PARP9: variants seen among roughly 807,000 people sequenced by gnomAD.
PARP9 encodes the protein poly(ADP-ribose) polymerase family member 9.
PARP9 carries 48 observed loss-of-function variants against 68.8 expected under a neutral mutation model. The ratio of observed to expected loss-of-function variants is 0.70; its 90% CI spans 0.55 to 0.89. The LOEUF (loss-of-function observed/expected upper bound fraction) is 0.89, where lower values mean the gene tolerates loss of function less well. Among genes scored for constraint, PARP9 ranks in the 40% least tolerant of loss-of-function variants. The pLI, the probability that PARP9 is intolerant of heterozygous loss-of-function variation, is 0.00. For synonymous variants in PARP9, 309 were observed against 333.8 expected, an observed-to-expected ratio of 0.93 and a Z score of 0.81; for missense variants, 806 against 969.3, an observed-to-expected ratio of 0.83 and a Z score of 2.24.
chr3:122,554,227 C>T (rs1311039298), intron 4 of PARP9, among the ~76,000 whole-genome samples: 4 of 152,138 alleles, frequency 2.6e-5, no homozygotes, highest in Admixed American at 6.5e-5. Context: ...GCTTCCCCTC[C>T]TGCCAATCAT....
intron 4 of PARP9, among the ~76,000 whole-genome samples, chr3:122,554,369 C>T (rs1386847991): frequency 1.3e-5 from 2 of 152,088 alleles, no homozygotes; most frequent in Non-Finnish European, 2.9e-5. Flanking sequence ...TGATAGGTTG[C>T]TTCAGAAATG....
intron 10 of PARP9, chr3:122,534,022 A>G (rs1263241609): frequency 1.2e-5 from 12 of 985,338 alleles, no homozygotes; most frequent in Non-Finnish European, 1.3e-5. Context: ...AGATGAGTCA[A>G]TTGGTGCAGG....
chr3:122,546,991 TATATATATATATATATATATATAC>T (rs1445304257), intron 6 of PARP9, among the ~76,000 whole-genome samples: 1,440 of 110,616 alleles, frequency 0.013, 47 homozygotes, highest in African/African-American at 0.047. Flanking sequence ...TATATATATA[TATATATATATATATATATATATAC>T]ACACACACAC....
chr3:122,561,189 C>T (rs1237363411), intron 1 of PARP9, among the ~76,000 whole-genome samples: 2 of 152,312 alleles, frequency 1.3e-5, no homozygotes, highest in East Asian at 1.9e-4. Flanking sequence ...CCAGGCATGG[C>T]GGCTCACACC....
At chr3:122,556,895 CA>C (rs1178388084) in intron 3 of PARP9, among the ~76,000 whole-genome samples, 9 of 152,174 alleles carry the variant, frequency 5.9e-5, no homozygotes, top group African/African-American at 2.2e-4. Context: ...TGGCTCACTG[CA>C]ACTTCTGCCT....
chr3:122,556,911 T>C (rs185727854), intron 3 of PARP9, among the ~76,000 whole-genome samples: 1 of 152,264 alleles, frequency 6.6e-6, no homozygotes, highest in Admixed American at 6.5e-5. Flanking sequence ...CTGCCTCCTA[T>C]GCTCAAGCCA....
intron 10 of PARP9, chr3:122,534,779 G>C (rs2077528096): frequency 2.7e-6 from 1 of 368,562 alleles, no homozygotes; most frequent in Admixed American, 6.4e-5. Context: ...GGGAGGCTGA[G>C]GCAGGAGAAC....
chr3:122,560,823 A>T (rs1453162097), intron 1 of PARP9, among the ~76,000 whole-genome samples: 1 of 152,152 alleles, frequency 6.6e-6, no homozygotes, highest in Non-Finnish European at 1.5e-5. Context: ...GACAAGATGC[A>T]TTTTTTGCCT....
intron 4 of PARP9, 27 bp downstream of exon 4, chr3:122,555,259 T>C: frequency 6.4e-7 from 1 of 1,572,238 alleles, no homozygotes. Context: ...CCTGTGCCAG[T>C]GCAAGAGAAT....
chr3:122,551,082 C>A (rs911925119), intron 5 of PARP9, among the ~76,000 whole-genome samples: 3 of 152,186 alleles, frequency 2.0e-5, no homozygotes, highest in African/African-American at 4.8e-5. Context: ...CCCATCCCCC[C>A]AGGTCAGAGA....
chr3:122,548,542 G>A (rs1390865514), intron 6 of PARP9, among the ~76,000 whole-genome samples: 1 of 152,062 alleles, frequency 6.6e-6, no homozygotes, highest in South Asian at 2.1e-4. Context: ...AGTCTTTCTC[G>A]AAAATGCCAG....
At chr3:122,534,827 G>T in intron 10 of PARP9, 1 of 737,678 alleles carries the variant, frequency 1.4e-6, no homozygotes, top group Non-Finnish European at 1.7e-6. Flanking sequence ...AGTGAGCCAA[G>T]ATGGTGCCAC....
chr3:122,557,318 C>T (rs1043105107), intron 3 of PARP9, among the ~76,000 whole-genome samples: 2 of 100,286 alleles, frequency 2.0e-5, no homozygotes. Flanking sequence ...TTGGACCAGC[C>T]AATGAGCACT....
At position 122,537,221 on chromosome 3, in the gene PARP9, T is replaced by C. The variant is rs537660370; in HGVS notation, c.1766-148A>G. ...TGTTTAGGACATGCGAGGAGAGCTATAATACTACGAGCGGTCAGGATAAAA... is the reference window on the plus strand; with the variant it reads ...TGTTTAGGACATGCGAGGAGAGCTACAATACTACGAGCGGTCAGGATAAAA... On this transcript the variant is annotated intron_variant, in intron 8 of 10. Coordinates refer to ENST00000682323, the MANE Select transcript of PARP9 (RefSeq NM_001146105.2). 34 of 793,620 alleles carry C rather than the reference T, an allele frequency of 4.3e-5. No individual in the cohort carries two copies. In the African/African-American group the frequency reaches 5.6e-4, roughly 13 times the overall value. 49.2% of individuals were successfully genotyped at this position (793,620 alleles called of 1,614,324 possible).
intron 1 of PARP9, among the ~76,000 whole-genome samples, chr3:122,563,936 T>C (rs1310708113): frequency 6.6e-6 from 1 of 151,568 alleles, no homozygotes; most frequent in African/African-American, 2.4e-5. Flanking sequence ...GTCTAAAGGG[T>C]AGAGTTGGAG....
chr3:122,544,717 T>C (rs189824524), intron 7 of PARP9, among the ~76,000 whole-genome samples: 23 of 152,168 alleles, frequency 1.5e-4, no homozygotes, highest in African/African-American at 5.5e-4. Context: ...GTGCCTGTAG[T>C]CCAAGCTACT....
At chr3:122,533,027 A>G (rs371897771) in intron 10 of PARP9, 1 of 152,190 alleles carries the variant, frequency 6.6e-6, no homozygotes, top group East Asian at 1.9e-4. Context: ...TAGCGTGATA[A>G]TTCTGGTGGT....
rs751697051 is a variant in PARP9, at chr3:122,540,480, C to A, written c.1757G>T (p.Arg586Leu). The A allele has an allele frequency of 1.2e-6, 2 of 1,612,374 alleles. No individual in the cohort carries two copies. Among genetic ancestry groups the A allele is most frequent in the African/African-American group, 2.7e-5 (2 of 74,814 alleles). ...MARKKERGLW[R>L]SLGQWTIQQQ... is the part of the protein sequence containing the mutation. The stretch of plus-strand genomic sequence containing the variant: ...GATAGAAAGTTACTCACCTAACGAG[C>A]GCCAAAGGCCTCGCTCCTTTTTCCT... Residue 586 changes from arginine to leucine, a missense_variant, in exon 8 of 11, where the codon CGC becomes CTC. Arg to Leu is a moderately radical substitution (Grantham distance 102, BLOSUM62 -2). This residue lies in a region of PARP9 where 680 missense variants were observed against 858.8 expected (regional missense o/e 0.79). Transcript: ENST00000682323.
chr3:122,546,356 A>T (rs1232298346), intron 6 of PARP9, among the ~76,000 whole-genome samples: 1 of 152,240 alleles, frequency 6.6e-6, no homozygotes, highest in Admixed American at 6.5e-5. Context: ...CCACGTGATC[A>T]CAAGAGTAAA....
Sources: allele counts gnomAD v4.1 joint callset (sites outside exome capture counted in the v4.1 genomes callset), GRCh38; gene constraint gnomAD v4.1.1; regional missense constraint gnomAD v4.1.1; transcripts MANE v1.5; gene names NCBI Gene and HGNC (gene_info 2026-07-23, HGNC 2026-07-21).